The following WBP2NL variants were observed in gnomAD, a reference collection of about 807,000 sequenced individuals.
The protein encoded by WBP2NL is WBP2 N-terminal like.
Under a neutral mutation model 23.3 loss-of-function variants are expected in WBP2NL, and 27 were observed. The ratio of observed to expected loss-of-function variants is 1.16; its 90% CI spans 0.85 to 1.60. The LOEUF is 1.60. WBP2NL is among the 40% of genes most tolerant of loss of function. The pLI is 0.00. For synonymous variants in WBP2NL, 151 were observed against 145.9 expected (o/e 1.03, Z -0.25); for missense variants, 370 against 389.5 (o/e 0.95, Z 0.42).
chr22:42,037,761 A>G (rs1322887226), downstream of WBP2NL, among the ~76,000 whole-genome samples: 1 of 150,858 alleles, frequency 6.6e-6, no homozygotes, highest in Non-Finnish European at 1.5e-5. Context: ...GGAGTTTTAT[A>G]TGTTGATTTT....
At chr22:42,008,141 C>CCTTTCCTTTCCTTTCCTTTG (rs1922457656) in intron 1 of WBP2NL, among the ~76,000 whole-genome samples, 1 of 139,162 alleles carries the variant, frequency 7.2e-6, no homozygotes, top group Non-Finnish European at 1.6e-5. Flanking sequence ...CCTTTCCTTT[C>CCTTTCCTTTCCTTTCCTTTG]CTTTCCTTTC....
intron 1 of WBP2NL, among the ~76,000 whole-genome samples, chr22:42,011,943 T>G (rs1922860977): frequency 6.6e-6 from 1 of 151,896 alleles, no homozygotes; most frequent in African/African-American, 2.4e-5. Flanking sequence ...TGGCTAATTT[T>G]TTTGAATGTT....
At chr22:41,998,950 A>C in intron 1 of WBP2NL, 70 bp downstream of exon 1, 2 of 1,520,594 alleles carry the variant, frequency 1.3e-6, no homozygotes, top group South Asian at 1.2e-5. Flanking sequence ...GCGGCTCGCA[A>C]ACTCTCAGCG....
chr22:42,042,881 G>A (rs1925445222), intron 8 of WBP2NL, among the ~76,000 whole-genome samples: 1 of 152,078 alleles, frequency 6.6e-6, no homozygotes, highest in African/African-American at 2.4e-5. Flanking sequence ...GGGCAACACG[G>A]TGAAACCCTG....
intron 1 of WBP2NL, among the ~76,000 whole-genome samples, chr22:42,015,460 T>C (rs1467240769): frequency 1.3e-5 from 2 of 152,102 alleles, no homozygotes; most frequent in Admixed American, 6.6e-5. Context: ...TGGAGTGCAA[T>C]GGCATGATCT....
intron 8 of WBP2NL, among the ~76,000 whole-genome samples, chr22:42,057,869 G>GTATATATATATA (rs5845518): frequency 6.8e-4 from 22 of 32,542 alleles, no homozygotes; most frequent in Non-Finnish European, 7.7e-4. Context: ...GTGTGTGTAT[G>GTATATATATATA]TATATATATA....
chr22:42,051,185 A>G (rs925292178), intron 8 of WBP2NL, among the ~76,000 whole-genome samples: 6 of 152,232 alleles, frequency 3.9e-5, no homozygotes, highest in Non-Finnish European at 7.3e-5. Flanking sequence ...TGTACTATCA[A>G]ACCATGAAAA....
Position 42,022,333 on chromosome 22 carries a change from G to T in WBP2NL, c.491G>T (p.Cys164Phe). Residue 164 changes from cysteine (C) to phenylalanine (F), a missense_variant, in exon 5 of 6, where the codon TGC becomes TTC. By Grantham distance (205) the Cys-to-Phe change is radical. Transcript: ENST00000328823. The stretch of plus-strand genomic sequence containing the variant: ...GTAATTACTGGGGAAGGGAATATGT[G>T]CACTCCACAGATGCCTTGTTCAGGT... ...IYVITGEGNM[C>F]TPQMPCSVIV... 3 of 1,613,770 alleles carry T rather than the reference G, an allele frequency of 1.9e-6. No homozygotes were observed. Among genetic ancestry groups the T allele is most frequent in the Non-Finnish European group, 2.5e-6 (3 of 1,179,826 alleles).
chr22:42,031,542 C>G (rs1470560500), downstream of WBP2NL: 1 of 152,066 alleles, frequency 6.6e-6, no homozygotes, highest in African/African-American at 2.4e-5. Flanking sequence ...CCTTTTAGTC[C>G]TGGACTATCT....
chr22:42,002,084 A>G lies in WBP2NL; in HGVS notation c.62+3204A>G, dbSNP rs748601145. 7.5e-5 allele frequency: 32 copies of G among 429,470 alleles called. No homozygotes were observed. In the Middle Eastern group the frequency reaches 1.8e-3, roughly 24 times the overall value. 26.6% of individuals were successfully genotyped at this position (429,470 alleles called of 1,614,324 possible). ...GTTTGGGTGTCTTCTCACTCGGGCT[A>G]TGGGTGTCTCTCTACTTCACTGCTT... On this transcript the variant is annotated intron_variant, in intron 1 of 5. Transcript: ENST00000328823.
intron 8 of WBP2NL, among the ~76,000 whole-genome samples, chr22:42,057,159 T>C (rs1281897005): frequency 6.6e-6 from 1 of 152,206 alleles, no homozygotes; most frequent in Non-Finnish European, 1.5e-5. Flanking sequence ...TTTTTTTATG[T>C]GTATATGGGT....
chr22:42,046,794 T>TA (rs1313465403), intron 8 of WBP2NL, among the ~76,000 whole-genome samples: 1 of 145,366 alleles, frequency 6.9e-6, no homozygotes, highest in African/African-American at 2.9e-5. Context: ...TTTTGGATCT[T>TA]ACGATGCTGA....
intron 8 of WBP2NL, among the ~76,000 whole-genome samples, chr22:42,051,826 T>C (rs1381542716): frequency 6.6e-6 from 1 of 152,232 alleles, no homozygotes; most frequent in East Asian, 1.9e-4. Flanking sequence ...CCATTCTCAG[T>C]GCTTTACATA....
At chr22:42,046,696 G>A (rs1218472346) in intron 8 of WBP2NL, among the ~76,000 whole-genome samples, 1 of 151,992 alleles carries the variant, frequency 6.6e-6, no homozygotes, top group Non-Finnish European at 1.5e-5. Flanking sequence ...TTACTTTTTT[G>A]GATTAGATTT....
chr22:42,020,092 T>G lies in WBP2NL; in HGVS notation c.402T>G (p.Ser134=), dbSNP rs1487273397. 6.2e-6 allele frequency: 10 copies of G among 1,613,262 alleles called. No homozygotes were observed. The South Asian group carries it at 9.9e-5, about 16-fold the overall frequency. The change falls in exon 4 of 6, where the codon TCT becomes TCG. Residue 134 remains serine (S), a synonymous_variant. Coordinates refer to ENST00000328823, the MANE Select transcript of WBP2NL (RefSeq NM_152613.3). The part of the protein sequence containing the change: ...EFAQLMVKAA[S]AAARGFPLRT... ...CCCAGTTGATGGTGAAAGCTGCCTC[T>G]GCTGGTAAGTGATGCTGATAAAGAT...
chr22:42,012,240 C>G (rs919770665), intron 1 of WBP2NL, among the ~76,000 whole-genome samples: 1 of 150,782 alleles, frequency 6.6e-6, no homozygotes, highest in African/African-American at 2.4e-5. Context: ...TTATTATTTT[C>G]TTCTTTCTGC....
At chr22:42,014,131 A>G (rs555291050) in intron 1 of WBP2NL, among the ~76,000 whole-genome samples, 1 of 151,292 alleles carries the variant, frequency 6.6e-6, no homozygotes, top group South Asian at 2.1e-4. Context: ...ATGTTGCCCA[A>G]GCTGGTTTCA....
At chr22:42,008,111 C>CCTTTG (rs1569446594) in intron 1 of WBP2NL, among the ~76,000 whole-genome samples, 183 of 117,994 alleles carry the variant, frequency 1.6e-3, no homozygotes, top group African/African-American at 3.0e-3. Flanking sequence ...CCTTTCCTTT[C>CCTTTG]CTTTCCTTTG....
At chr22:42,050,084 C>T (rs1038462373) in intron 8 of WBP2NL, among the ~76,000 whole-genome samples, 7 of 151,802 alleles carry the variant, frequency 4.6e-5, no homozygotes, top group African/African-American at 1.7e-4. Flanking sequence ...TTTGGGAGGC[C>T]GAAGTGGGAA....
Sources: allele counts gnomAD v4.1 joint callset (sites outside exome capture counted in the v4.1 genomes callset), GRCh38; gene constraint gnomAD v4.1.1; transcripts MANE v1.5; gene names NCBI Gene and HGNC (gene_info 2026-07-23, HGNC 2026-07-21).